The following NACC1 variants were observed in gnomAD, a reference collection of about 807,000 sequenced individuals.
NACC1 encodes nucleus accumbens associated 1.
A neutral mutation model predicts 41.7 loss-of-function variants in NACC1; 6 were observed. That is an observed-to-expected ratio of 0.14 (90% CI 0.08 to 0.28). The LOEUF (loss-of-function observed/expected upper bound fraction) is 0.28. Among genes scored for constraint, NACC1 ranks in the 10% least tolerant of loss-of-function variants. The probability of loss-of-function intolerance (pLI) is 1.00; values close to 1 mark genes in which losing one functional copy is unlikely to be tolerated. For missense variants in NACC1, 434 were observed against 763.7 expected (o/e 0.57, Z 5.09); for synonymous variants, 338 against 330.6 (o/e 1.02, Z -0.24).
In NACC1 at chr19:13,138,333, T is replaced by G; in HGVS notation, c.1511T>G (p.Met504Arg). 1 of 1,613,988 alleles carries G rather than the reference T, an allele frequency of 6.2e-7. No individual in the cohort carries two copies. Among genetic ancestry groups the G allele is most frequent in the South Asian group, 1.1e-5 (1 of 91,084 alleles). Residue 504 changes from methionine (M) to arginine (R), a missense_variant, in exon 6 of 6, where the codon ATG becomes AGG. Physicochemically the swap from Met to Arg is moderately conservative, Grantham distance 91. This residue lies in a region of NACC1 where 63 missense variants were observed against 68.4 expected (regional missense o/e 0.92). Transcript: ENST00000292431. This position sits in a 1 kb window ranked among gnomAD's most constrained non-coding sequence, Gnocchi z 5.7. Reference sequence around the variant, plus strand: ...ACGGGCAAGATCGAGCCGGACATGATGGGTGTGGAGCATGGCTTCGAGACC... The same window carrying G: ...ACGGGCAAGATCGAGCCGGACATGAGGGGTGTGGAGCATGGCTTCGAGACC... The part of the protein sequence containing the change: ...SETGKIEPDM[M>R]GVEHGFETAS...
rs1163203679 is a variant in NACC1 at position 13,137,651 on chromosome 19, A to G, written c.1324+76A>G. On this transcript the variant is annotated intron_variant, in intron 5 of 5. Coordinates refer to ENST00000292431, the MANE Select transcript of NACC1 (RefSeq NM_052876.4). This position sits in a 1 kb window ranked among gnomAD's most constrained non-coding sequence, Gnocchi z 6.1. ...ACGTTTTTTCCCAGCCTTGGCTCTC[A>G]GAGAGGGCTAGAGTTCAGTGTTGAG... 1 of 1,207,046 alleles carries G rather than the reference A, an allele frequency of 8.3e-7. No homozygotes were observed. The highest frequency in any genetic ancestry group is 2.6e-5 in the East Asian group (1 of 38,832). 74.8% of individuals were successfully genotyped at this position (1,207,046 alleles called of 1,614,324 possible). A position where few individuals can be genotyped will look rare whatever the true frequency, so the allele number is the denominator to read the frequency against.
chr19:13,123,768 A>G (rs562699136), intron 1 of NACC1, among the ~76,000 whole-genome samples: 26 of 152,112 alleles, frequency 1.7e-4, no homozygotes, highest in Admixed American at 6.5e-5. Context: ...CACCTGTGAA[A>G]TGGGTCTAGT....
At position 13,140,857 on chromosome 19, in the gene NACC1, T is replaced by C. The variant is rs1481631002; in HGVS notation, c.*2451T>C. On this transcript the variant is annotated 3_prime_UTR_variant, in exon 6 of 6. Transcript: ENST00000292431. The surrounding 1 kb of genome is among the most constrained non-coding windows in gnomAD (Gnocchi z 4.0). ...CTGGGCAGCCAGGAAGGAATCTGAA[T>C]GGAGAATCACCAACCACCAGAGAAA... 1 of 152,468 alleles carries C rather than the reference T, an allele frequency of 6.6e-6. No individual in the cohort carries two copies. Among genetic ancestry groups the C allele is most frequent in the Non-Finnish European group, 1.5e-5 (1 of 68,094 alleles). 9.4% of individuals were successfully genotyped at this position (152,468 alleles called of 1,614,324 possible).
rs759650932 is a variant in NACC1, at chr19:13,135,611, C to T, written c.404C>T (p.Ala135Val). 13 of 1,585,562 alleles carry T rather than the reference C, an allele frequency of 8.2e-6. No individual in the cohort carries two copies. Among genetic ancestry groups the T allele is most frequent in the East Asian group, 2.3e-5 (1 of 43,574 alleles). ...AGCTGCGACTCCCAGGGCCTGCATG[C>T]GGAGGAGGCCCCATCGTCGGAGCCC... ...SPSCDSQGLH[A>V]EEAPSSEPQS... The change falls in exon 2 of 6, where the codon GCG (alanine) becomes GTG (valine). Residue 135 changes from alanine to valine, a missense_variant. This residue lies in a region of NACC1 where 234 missense variants were observed against 308.3 expected (regional missense o/e 0.76). Coordinates refer to ENST00000292431, the MANE Select transcript of NACC1 (RefSeq NM_052876.4).
intron 1 of NACC1, among the ~76,000 whole-genome samples, chr19:13,126,142 C>A (rs534304299): frequency 1.3e-4 from 19 of 151,752 alleles, no homozygotes; most frequent in South Asian, 4.2e-4. Flanking sequence ...CTCCTGAGTT[C>A]AAGCGATTCT....
upstream of NACC1, chr19:13,116,990 T>A (rs1436115837): frequency 1.3e-5 from 2 of 156,610 alleles, no homozygotes; most frequent in Non-Finnish European, 2.8e-5. Flanking sequence ...GGGTGCTATA[T>A]ACACATTATT....
rs114610276 is a variant in NACC1 at position 13,134,531 on chromosome 19, T to A, written c.-8-669T>A. Reference sequence around the variant, plus strand: ...GACTACATACCCACACCACCTTACCTGGCTAATTTTTGTATTTTTGGTAGA... The same window carrying A: ...GACTACATACCCACACCACCTTACCAGGCTAATTTTTGTATTTTTGGTAGA... On this transcript the variant is annotated intron_variant, in intron 1 of 5. Coordinates refer to ENST00000292431, the MANE Select transcript of NACC1 (RefSeq NM_052876.4). 4.6e-3 allele frequency among the ~76,000 whole-genome samples: 699 copies of A among 152,212 alleles called. 5 individuals carry two copies. Among genetic ancestry groups the A allele is most frequent in the African/African-American group, 0.016 (670 of 41,502 alleles).
chr19:13,135,159 C>T, intron 1 of NACC1, 41 bp from the exon 2 acceptor site: 2 of 1,504,572 alleles, frequency 1.3e-6, no homozygotes, highest in Non-Finnish European at 1.8e-6. Flanking sequence ...GACCCCGTCC[C>T]TCCGTCTCTG....
Position 13,137,149 on chromosome 19 carries a change from G to A in NACC1, c.1121-122G>A. ...TGTAGGGGAGAAGGTCCCTGGGTGA[G>A]TTTTCTTGGGACCCAGAGCCCAGCA... On this transcript the variant is annotated intron_variant, in intron 3 of 5. Transcript: ENST00000292431. This position sits in a 1 kb window ranked among gnomAD's most constrained non-coding sequence, Gnocchi z 6.1. 2 of 945,260 alleles carry A rather than the reference G, an allele frequency of 2.1e-6. No individual in the cohort carries two copies. The highest frequency in any genetic ancestry group is 2.5e-5 in the East Asian group (1 of 40,092). The allele number at this position is 945,260 out of a possible 1,614,324, so 58.6% of individuals were successfully genotyped here. A position where few individuals can be genotyped will look rare whatever the true frequency, so the allele number is the denominator to read the frequency against.
rs1419304381 is a variant in NACC1, at chr19:13,137,918, CG to C, written c.1325-228del. Among the ~76,000 whole-genome samples, 2 of 152,190 alleles carry C rather than the reference CG, an allele frequency of 1.3e-5. No individual in the cohort carries two copies. The highest frequency in any genetic ancestry group is 4.8e-5 in the African/African-American group (2 of 41,446). ...CGTTACTAAATTCTGGCAAATGATCCGAATTTTTCAAGAACACGGGGCCATC... is the reference window on the plus strand; with the variant it reads ...CGTTACTAAATTCTGGCAAATGATCCAATTTTTCAAGAACACGGGGCCATC... On this transcript the variant is annotated intron_variant, in intron 5 of 5. Coordinates refer to ENST00000292431, the MANE Select transcript of NACC1 (RefSeq NM_052876.4). This position sits in a 1 kb window ranked among gnomAD's most constrained non-coding sequence, Gnocchi z 6.1.
intron 1 of NACC1, among the ~76,000 whole-genome samples, chr19:13,134,407 A>G (rs940719235): frequency 2.4e-4 from 36 of 148,360 alleles, no homozygotes; most frequent in African/African-American, 7.0e-4. Flanking sequence ...GTCTTACTCT[A>G]TGCCCCAGGC....
intron 1 of NACC1, among the ~76,000 whole-genome samples, chr19:13,128,979 G>T (rs911422514): frequency 7.9e-5 from 12 of 152,208 alleles, no homozygotes; most frequent in Admixed American, 4.6e-4. Context: ...AAGGAGAGAT[G>T]ATTCTCATAT....
chr19:13,124,132 C>T (rs1315786396), intron 1 of NACC1, among the ~76,000 whole-genome samples: 1 of 152,158 alleles, frequency 6.6e-6, no homozygotes, highest in East Asian at 1.9e-4. Flanking sequence ...GGTGCAGTGG[C>T]TCACGCCTGT....
chr19:13,121,658 C>G (rs1300056316), intron 1 of NACC1, among the ~76,000 whole-genome samples: 1 of 152,106 alleles, frequency 6.6e-6, no homozygotes, highest in Admixed American at 6.5e-5. Flanking sequence ...TTGCCAGAGC[C>G]TGTGTGGAGA....
intron 1 of NACC1, among the ~76,000 whole-genome samples, chr19:13,130,105 C>T (rs2019614996): frequency 1.3e-5 from 2 of 152,060 alleles, no homozygotes; most frequent in African/African-American, 4.8e-5. Flanking sequence ...GAGACAGGGT[C>T]TCGCTCTATG....
At chr19:13,125,412 C>CTTTT (rs760978944) in intron 1 of NACC1, among the ~76,000 whole-genome samples, 4 of 100,308 alleles carry the variant, frequency 4.0e-5, no homozygotes, top group African/African-American at 1.5e-4. Context: ...GAAGGCCCCA[C>CTTTT]TTTTTTTTTT....
intron 1 of NACC1, among the ~76,000 whole-genome samples, chr19:13,121,519 G>C (rs1211143930): frequency 6.6e-6 from 1 of 152,196 alleles, no homozygotes; most frequent in Non-Finnish European, 1.5e-5. Flanking sequence ...CTTGAGCTGG[G>C]CTTTGAGGAG....
Position 13,135,234 on chromosome 19 carries a change from C to T in NACC1, c.27C>T (p.Ile9=), listed in dbSNP as rs2019684993. The part of the protein sequence containing the change: MAQTLQME[I]PNFGNSILEC... Reference sequence around the variant, plus strand: ...TGGCCCAGACACTGCAGATGGAGATCCCGAACTTCGGCAACAGCATCCTGG... The same window carrying T: ...TGGCCCAGACACTGCAGATGGAGATTCCGAACTTCGGCAACAGCATCCTGG... Residue 9 remains isoleucine, a synonymous_variant, in exon 2 of 6, where the codon ATC becomes ATT. Transcript: ENST00000292431. 6.2e-7 allele frequency: 1 copy of T among 1,609,864 alleles called. No homozygotes were observed.
At chr19:13,133,904 GTT>G (rs1385745662) in intron 1 of NACC1, among the ~76,000 whole-genome samples, 4 of 152,132 alleles carry the variant, frequency 2.6e-5, no homozygotes, top group Non-Finnish European at 4.4e-5. Context: ...GTGGAAATGG[GTT>G]CTGGATTTCT....
Sources: allele counts gnomAD v4.1 joint callset (sites outside exome capture counted in the v4.1 genomes callset), GRCh38; gene constraint gnomAD v4.1.1; regional missense constraint gnomAD v4.1.1; non-coding constraint Gnocchi (gnomAD v3.1); transcripts MANE v1.5; gene names NCBI Gene and HGNC (gene_info 2026-07-23, HGNC 2026-07-21).